TRDN: variants seen among roughly 807,000 people sequenced by gnomAD.
TRDN encodes the protein triadin, also known as triadin in skeletal muscle.
In TRDN, 161 loss-of-function variants were observed where a neutral mutation model predicts 149.7. The ratio of observed to expected loss-of-function variants is 1.08; its 90% CI spans 0.95 to 1.23. The LOEUF is 1.23. Ranked by LOEUF, TRDN falls within the 50% of genes most tolerant of loss-of-function variation. The pLI, the probability that TRDN is intolerant of heterozygous loss-of-function variation, is 0.00. For missense variants in TRDN, 896 were observed against 823.5 expected, an observed-to-expected ratio of 1.09 and a Z score of -1.08; for synonymous variants, 294 against 250.5, an observed-to-expected ratio of 1.17 and a Z score of -1.64.
chr6:123,503,633 C>A, intron 8 of TRDN, 86 bp downstream of exon 8: 1 of 1,571,624 alleles, frequency 6.4e-7, no homozygotes, highest in South Asian at 1.2e-5. Context: ...TGATTTTGGT[C>A]TTTTTCAACT....
chr6:123,511,493 A>C (rs901653113), intron 7 of TRDN, among the ~76,000 whole-genome samples: 1 of 152,162 alleles, frequency 6.6e-6, no homozygotes, highest in Non-Finnish European at 1.5e-5. Context: ...AAAATAAATA[A>C]TTTTTTAAAA....
chr6:123,366,307 G>C, intron 19 of TRDN, 125 bp from the exon 20 acceptor site: 3 of 801,138 alleles, frequency 3.7e-6, no homozygotes, highest in Non-Finnish European at 5.8e-6. Flanking sequence ...GCAAGCTGTA[G>C]AGAAAGCCAA....
At chr6:123,453,738 A>G (rs1775928061) in intron 10 of TRDN, among the ~76,000 whole-genome samples, 1 of 152,218 alleles carries the variant, frequency 6.6e-6, no homozygotes, top group African/African-American at 2.4e-5. Flanking sequence ...CATTTGATCC[A>G]GCAATCCCAC....
At chr6:123,502,092 A>G in intron 8 of TRDN, 1 of 984,370 alleles carries the variant, frequency 1.0e-6, no homozygotes, top group Non-Finnish European at 1.2e-6. Context: ...AAAAATTAGA[A>G]TGTACTTTGT....
intron 10 of TRDN, among the ~76,000 whole-genome samples, chr6:123,446,421 A>T (rs891553604): frequency 6.6e-6 from 1 of 151,540 alleles, no homozygotes; most frequent in Non-Finnish European, 1.5e-5. Context: ...TGAATTACCT[A>T]AAAAGAAAAA....
chr6:123,423,746 TG>T lies in TRDN; in HGVS notation c.1051+14316del, dbSNP rs965956712. Among the ~76,000 whole-genome samples, 82 of 152,302 alleles carry T rather than the reference TG, an allele frequency of 5.4e-4. 1 individual carries two copies. The highest frequency in any genetic ancestry group is 1.6e-3 in the African/African-American group (67 of 41,584). ...ATACCTTTAAACTTCTACCTTAATA[TG>T]TTTTTTTGTCTTATTTTATGGGGCA... On this transcript the variant is annotated intron_variant, in intron 12 of 40. Coordinates refer to ENST00000334268, the MANE Select transcript of TRDN (RefSeq NM_006073.4).
chr6:123,358,798 A>T (rs1294124933), intron 20 of TRDN, among the ~76,000 whole-genome samples: 1 of 152,054 alleles, frequency 6.6e-6, no homozygotes. Context: ...GGTACGTTTA[A>T]ATGGAGAAGT....
intron 39 of TRDN, among the ~76,000 whole-genome samples, chr6:123,222,754 A>T (rs1220083336): frequency 1.3e-5 from 2 of 151,826 alleles, no homozygotes; most frequent in African/African-American, 2.4e-5. Flanking sequence ...TACCTGGCAA[A>T]GGTCTAATAT....
At chr6:123,403,917 C>A (rs988659811) in intron 12 of TRDN, among the ~76,000 whole-genome samples, 3 of 151,960 alleles carry the variant, frequency 2.0e-5, no homozygotes, top group African/African-American at 7.3e-5. Context: ...GAAAATGGGA[C>A]AAGATATTTG....
chr6:123,576,567 A>G (rs1407221), intron 1 of TRDN, among the ~76,000 whole-genome samples: 76,533 of 151,602 alleles, frequency 0.5, 19,667 homozygotes, highest in African/African-American at 0.6. Flanking sequence ...AGTGGAACGG[A>G]TGAGGAGTCT....
intron 12 of TRDN, among the ~76,000 whole-genome samples, chr6:123,426,263 A>G (rs1774115019): frequency 6.6e-6 from 1 of 152,124 alleles, no homozygotes; most frequent in African/African-American, 2.4e-5. Flanking sequence ...TGGCTGATAG[A>G]GAAGAAGGGT....
At chr6:123,623,201 A>G (rs1246078847) in intron 1 of TRDN, among the ~76,000 whole-genome samples, 1 of 151,920 alleles carries the variant, frequency 6.6e-6, no homozygotes, top group Non-Finnish European at 1.5e-5. Context: ...TTATAGAATT[A>G]TAAGTAGCAA....
chr6:123,581,186 T>C (rs1783102746), intron 1 of TRDN, among the ~76,000 whole-genome samples: 1 of 152,212 alleles, frequency 6.6e-6, no homozygotes, highest in African/African-American at 2.4e-5. Context: ...ATTTATTTTT[T>C]TAAAACAATC....
At chr6:123,387,080 C>T (rs1781932452) in intron 14 of TRDN, among the ~76,000 whole-genome samples, 1 of 152,022 alleles carries the variant, frequency 6.6e-6, no homozygotes, top group African/African-American at 2.4e-5. Flanking sequence ...TAAAGCCACT[C>T]AATATTTTAA....
intron 5 of TRDN, among the ~76,000 whole-genome samples, chr6:123,528,271 A>ATTTTT (rs11286718): frequency 0.11 from 16,509 of 149,222 alleles, 1,142 homozygotes; most frequent in Non-Finnish European, 0.16. Context: ...ATTCTGTGTG[A>ATTTTT]TTTTTTTTTT....
rs773658957 is a variant in TRDN at position 123,516,181 on chromosome 6, T to C, written c.510A>G (p.Gly170=). Residue 170 remains glycine, a synonymous_variant, in exon 6 of 41, where the codon GGA becomes GGG. Transcript: ENST00000334268. Reference sequence around the variant, plus strand: ...TTTCTTTTTCTCTTACTTTTTCTTTTCCTTTTTCTTTTTCTTTGTGTGTAA... The same window carrying C: ...TTTCTTTTTCTCTTACTTTTTCTTTCCCTTTTTCTTTTTCTTTGTGTGTAA... ...TKVTHKEKEK[G]KEKVREKEKP... is the part of the protein sequence containing the mutation. 5.2e-5 allele frequency: 77 copies of C among 1,490,474 alleles called. No homozygotes were observed. In the East Asian group the frequency reaches 6.8e-4, roughly 13 times the overall value. 92.3% of individuals were successfully genotyped at this position (1,490,474 alleles called of 1,614,324 possible). A position where few individuals can be genotyped will look rare whatever the true frequency, so the allele number is the denominator to read the frequency against.
At chr6:123,560,104 G>A (rs1027544632) in intron 2 of TRDN, among the ~76,000 whole-genome samples, 1 of 152,176 alleles carries the variant, frequency 6.6e-6, no homozygotes. Flanking sequence ...TTTTAGCCTA[G>A]CCCTTATGTC....
At chr6:123,520,609 T>C (rs960823367) in intron 5 of TRDN, among the ~76,000 whole-genome samples, 1 of 152,202 alleles carries the variant, frequency 6.6e-6, no homozygotes, top group African/African-American at 2.4e-5. Flanking sequence ...ATCAGGCAAA[T>C]TACCCAAAGT....
At chr6:123,410,960 C>T (rs781716034) in intron 12 of TRDN, among the ~76,000 whole-genome samples, 16 of 151,268 alleles carry the variant, frequency 1.1e-4, no homozygotes, top group African/African-American at 3.6e-4. Context: ...ATATAATGAA[C>T]GGCCAAATTT....
Sources: allele counts gnomAD v4.1 joint callset (sites outside exome capture counted in the v4.1 genomes callset), GRCh38; gene constraint gnomAD v4.1.1; transcripts MANE v1.5; gene names NCBI Gene and HGNC (gene_info 2026-07-23, HGNC 2026-07-21).